EXOC4: variants seen among roughly 807,000 people sequenced by gnomAD.
EXOC4 encodes the protein exocyst complex component 4, also known as SEC8-like 1.
In EXOC4, 71 loss-of-function variants were observed where a neutral mutation model predicts 107.2. The ratio of observed to expected loss-of-function variants is 0.66; its 90% CI spans 0.55 to 0.81. The LOEUF (loss-of-function observed/expected upper bound fraction) is 0.81. Ranked by LOEUF, EXOC4 falls within the 30% of genes least tolerant of loss-of-function variation. EXOC4 has a pLI of 0.00. For synonymous variants in EXOC4, 456 were observed against 441.2 expected (o/e 1.03, Z -0.42); for missense variants, 1,108 against 1,189.6 (o/e 0.93, Z 1.01).
chr7:133,609,060 G>C (rs2150994847), intron 9 of EXOC4, among the ~76,000 whole-genome samples: 1 of 151,858 alleles, frequency 6.6e-6, no homozygotes, highest in African/African-American at 2.4e-5. Context: ...CAGTCATTTT[G>C]TCATTTTACC....
intron 14 of EXOC4, among the ~76,000 whole-genome samples, chr7:133,943,937 A>G (rs961101041): frequency 3.9e-5 from 6 of 152,150 alleles, no homozygotes; most frequent in East Asian, 3.9e-4. Flanking sequence ...AATTCATGCA[A>G]TAATGTCAAT....
intron 5 of EXOC4, among the ~76,000 whole-genome samples, chr7:133,321,041 C>T (rs928292791): frequency 2.0e-5 from 3 of 152,174 alleles, no homozygotes; most frequent in Admixed American, 6.5e-5. Flanking sequence ...GCTCCTCTCT[C>T]ATTTTGTGAA....
intron 13 of EXOC4, among the ~76,000 whole-genome samples, chr7:133,919,248 A>G (rs1028802202): frequency 6.6e-6 from 1 of 152,184 alleles, no homozygotes; most frequent in Non-Finnish European, 1.5e-5. Flanking sequence ...GTTTACAGAA[A>G]AACTTGAACA....
chr7:133,452,913 G>A (rs530779870), intron 7 of EXOC4, among the ~76,000 whole-genome samples: 9 of 152,118 alleles, frequency 5.9e-5, no homozygotes, highest in Admixed American at 2.6e-4. Context: ...ATGTGAAAAG[G>A]GCCTTATAAT....
chr7:134,064,719 T>G lies in EXOC4; in HGVS notation c.*191T>G. On this transcript the variant is annotated 3_prime_UTR_variant, in exon 18 of 18. Transcript: ENST00000253861. The stretch of plus-strand genomic sequence containing the variant: ...TAAAGGAAGGCGACAGTACAGAGTG[T>G]TTTGGTTGAACAACTACTTTAATGC... 2.5e-6 allele frequency: 1 copy of G among 396,016 alleles called. No individual in the cohort carries two copies. Among genetic ancestry groups the G allele is most frequent in the South Asian group, 7.2e-5 (1 of 13,974 alleles). The allele number at this position is 396,016 out of a possible 1,614,324, so 24.5% of individuals were successfully genotyped here.
chr7:133,493,431 T>C (rs192083857), intron 9 of EXOC4, among the ~76,000 whole-genome samples: 15 of 152,308 alleles, frequency 9.8e-5, no homozygotes, highest in Non-Finnish European at 2.2e-4. Flanking sequence ...AGCGATACTC[T>C]GTCTCAAAGC....
intron 9 of EXOC4, among the ~76,000 whole-genome samples, chr7:133,521,628 G>A (rs980953815): frequency 8.0e-5 from 12 of 149,948 alleles, no homozygotes; most frequent in African/African-American, 2.9e-4. Flanking sequence ...TCGTTTGTTT[G>A]CTTGTTTTTT....
intron 11 of EXOC4, among the ~76,000 whole-genome samples, chr7:133,837,178 G>T (rs1348807584): frequency 6.6e-6 from 1 of 152,186 alleles, no homozygotes; most frequent in African/African-American, 2.4e-5. Flanking sequence ...CCTACTATGT[G>T]CCAGGGACAG....
At chr7:134,051,866 G>T (rs1795799939) in intron 17 of EXOC4, among the ~76,000 whole-genome samples, 1 of 150,476 alleles carries the variant, frequency 6.6e-6, no homozygotes, top group Admixed American at 6.6e-5. Context: ...GGCACCTGTA[G>T]TCCCAGCTAC....
chr7:133,723,329 C>A (rs1345083359), intron 10 of EXOC4, among the ~76,000 whole-genome samples: 1 of 152,198 alleles, frequency 6.6e-6, no homozygotes. Context: ...TTCCACCTCC[C>A]ATGTTGTTTC....
chr7:133,738,254 A>G (rs1330266967), intron 10 of EXOC4, among the ~76,000 whole-genome samples: 4 of 152,048 alleles, frequency 2.6e-5, no homozygotes, highest in African/African-American at 9.7e-5. Flanking sequence ...TGCTATCTTA[A>G]AAGAAATGAA....
chr7:133,404,923 C>T (rs1222739929), intron 7 of EXOC4, among the ~76,000 whole-genome samples: 17 of 108,558 alleles, frequency 1.6e-4, no homozygotes, highest in African/African-American at 6.1e-4. Context: ...CACACACACA[C>T]ATTAGTTGGG....
At chr7:133,963,050 G>A (rs1176983741) in intron 14 of EXOC4, among the ~76,000 whole-genome samples, 1 of 152,250 alleles carries the variant, frequency 6.6e-6, no homozygotes, top group Non-Finnish European at 1.5e-5. Flanking sequence ...CAGGGTGGCA[G>A]CATGATAAAA....
At chr7:134,059,561 G>C (rs1245399970) in intron 17 of EXOC4, among the ~76,000 whole-genome samples, 1 of 152,156 alleles carries the variant, frequency 6.6e-6, no homozygotes, top group African/African-American at 2.4e-5. Context: ...AGGATAAATT[G>C]ATAGAGCTTT....
chr7:133,671,759 G>C (rs6969914), intron 10 of EXOC4, among the ~76,000 whole-genome samples: 1 of 152,086 alleles, frequency 6.6e-6, no homozygotes, highest in Non-Finnish European at 1.5e-5. Flanking sequence ...TTAATGTGCA[G>C]GTAAGAAAAA....
At chr7:133,822,737 C>G (rs1254589450) in intron 11 of EXOC4, among the ~76,000 whole-genome samples, 2 of 152,176 alleles carry the variant, frequency 1.3e-5, no homozygotes, top group Non-Finnish European at 1.5e-5. Context: ...CTGGAAATCT[C>G]TGTTCACACC....
intron 3 of EXOC4, among the ~76,000 whole-genome samples, chr7:133,300,936 A>G (rs1186857244): frequency 1.3e-5 from 2 of 152,224 alleles, no homozygotes; most frequent in African/African-American, 2.4e-5. Flanking sequence ...TGTCTGATAA[A>G]GATAAAAATT....
rs187633462 is a variant in EXOC4, at chr7:133,258,381, G to A, written c.86+5194G>A. Among the ~76,000 whole-genome samples, 25 of 152,264 alleles carry A rather than the reference G, an allele frequency of 1.6e-4. No homozygotes were observed. In the East Asian group the frequency reaches 3.9e-3, roughly 23 times the overall value. On this transcript the variant is annotated intron_variant, in intron 1 of 17. Coordinates refer to ENST00000253861, the MANE Select transcript of EXOC4 (RefSeq NM_021807.4). The stretch of plus-strand genomic sequence containing the variant: ...CAAGCCATTATTTGTACATAGATGT[G>A]GTCACAGCCTGTGGTGTGAATTGCT...
chr7:133,362,680 A>C (rs1796161062), intron 6 of EXOC4, among the ~76,000 whole-genome samples: 1 of 152,224 alleles, frequency 6.6e-6, no homozygotes. Flanking sequence ...AGGAAGACTA[A>C]AGGCTCAGGC....
Sources: allele counts gnomAD v4.1 joint callset (sites outside exome capture counted in the v4.1 genomes callset), GRCh38; gene constraint gnomAD v4.1.1; transcripts MANE v1.5; gene names NCBI Gene and HGNC (gene_info 2026-07-23, HGNC 2026-07-21).